The following NELL1 variants were observed in gnomAD, a reference collection of about 807,000 sequenced individuals.
NELL1 encodes protein kinase C-binding protein NELL1.
NELL1 carries 76 observed loss-of-function variants against 107.4 expected under a neutral mutation model. The observed-to-expected ratio is 0.71, with a 90% CI of 0.59 to 0.86. The LOEUF is 0.86. Among genes scored for constraint, NELL1 ranks in the 40% least tolerant of loss-of-function variants. The pLI, the probability that NELL1 is intolerant of heterozygous loss-of-function variation, is 0.00. For missense variants in NELL1, 1,024 were observed against 1,005.5 expected, an observed-to-expected ratio of 1.02 and a Z score of -0.25; for synonymous variants, 353 against 341.2, an observed-to-expected ratio of 1.03 and a Z score of -0.38.
chr11:21,497,369 C>T (rs1347011323), intron 15 of NELL1, among the ~76,000 whole-genome samples: 1 of 152,106 alleles, frequency 6.6e-6, no homozygotes, highest in African/African-American at 2.4e-5. Context: ...ATCTTTTCCT[C>T]TGGTCATATC....
chr11:21,092,228 T>C (rs1342817657), intron 12 of NELL1, among the ~76,000 whole-genome samples: 1 of 152,136 alleles, frequency 6.6e-6, no homozygotes, highest in Non-Finnish European at 1.5e-5. Context: ...ACTGAAAATA[T>C]TCATGGTTAG....
chr11:20,768,076 ATAT>A (rs977503551), intron 2 of NELL1, among the ~76,000 whole-genome samples: 1 of 152,204 alleles, frequency 6.6e-6, no homozygotes, highest in African/African-American at 2.4e-5. Flanking sequence ...TGCAAAGATA[ATAT>A]TATTATTAAT....
intron 14 of NELL1, among the ~76,000 whole-genome samples, chr11:21,257,904 GA>G (rs746977815): frequency 2.0e-4 from 31 of 152,054 alleles, no homozygotes; most frequent in African/African-American, 6.5e-4. Context: ...CAACCAGCAA[GA>G]TACATCCCTT....
rs562646953 is a variant in NELL1, at chr11:21,561,875, A to G, written c.1980+1493A>G. Among the ~76,000 whole-genome samples, 11 of 152,220 alleles carry G rather than the reference A, an allele frequency of 7.2e-5. No homozygotes were observed. In the East Asian group the frequency reaches 1.2e-3, roughly 16 times the overall value. Reference sequence around the variant, plus strand: ...CTGACTCAAAGGGCAAAAATTTTTAAGAGAAGACAAATCTCATTGTGGGTT... The same window carrying G: ...CTGACTCAAAGGGCAAAAATTTTTAGGAGAAGACAAATCTCATTGTGGGTT... On this transcript the variant is annotated intron_variant, in intron 17 of 19. Coordinates refer to ENST00000357134, the MANE Select transcript of NELL1 (RefSeq NM_006157.5).
intron 13 of NELL1, among the ~76,000 whole-genome samples, chr11:21,214,106 A>ATCTGAAATT (rs1857562744): frequency 6.6e-6 from 1 of 152,152 alleles, no homozygotes; most frequent in Non-Finnish European, 1.5e-5. Flanking sequence ...AGTATCTTTT[A>ATCTGAAATT]TCTGAAATTT....
intron 3 of NELL1, among the ~76,000 whole-genome samples, chr11:20,843,676 ATAT>A (rs1347380380): frequency 1.0e-5 from 1 of 95,422 alleles, no homozygotes; most frequent in Non-Finnish European, 3.0e-5. Flanking sequence ...ATATATTTTA[ATAT>A]TATGTATGTA....
rs565598707 is a variant in NELL1 at position 21,166,715 on chromosome 11, C to T, written c.1426+53001C>T. 7.3e-5 allele frequency among the ~76,000 whole-genome samples: 11 copies of T among 151,592 alleles called. No homozygotes were observed. In the South Asian group the frequency reaches 1.3e-3, roughly 17 times the overall value. On this transcript the variant is annotated intron_variant, in intron 13 of 19. Transcript: ENST00000357134. ...CCATAATCCATGTAGAGGCTAAGGC[C>T]GAAACTTTTGATCAAATGAAAGAAA...
At chr11:21,334,204 T>C (rs1008485787) in intron 14 of NELL1, among the ~76,000 whole-genome samples, 38 of 151,988 alleles carry the variant, frequency 2.5e-4, no homozygotes, top group African/African-American at 9.2e-4. Context: ...ATAGGTATAA[T>C]GAATGCTACA....
At chr11:21,257,204 G>T (rs1331719131) in intron 14 of NELL1, among the ~76,000 whole-genome samples, 1 of 151,952 alleles carries the variant, frequency 6.6e-6, no homozygotes, top group Non-Finnish European at 1.5e-5. Flanking sequence ...TCATGTTCCA[G>T]TGTGGCCCTG....
At chr11:20,868,567 TTAA>T (rs1849137757) in intron 4 of NELL1, among the ~76,000 whole-genome samples, 1 of 152,114 alleles carries the variant, frequency 6.6e-6, no homozygotes, top group Non-Finnish European at 1.5e-5. Context: ...ATTTAAAAAA[TTAA>T]TGTTATATAT....
intron 4 of NELL1, among the ~76,000 whole-genome samples, chr11:20,869,038 C>A (rs535000468): frequency 6.6e-6 from 1 of 152,004 alleles, no homozygotes; most frequent in South Asian, 2.1e-4. Context: ...AAGGGTCCAG[C>A]GGTTGGAAGC....
intron 2 of NELL1, among the ~76,000 whole-genome samples, chr11:20,712,308 T>C (rs2133897365): frequency 6.6e-6 from 1 of 152,170 alleles, no homozygotes; most frequent in East Asian, 1.9e-4. Flanking sequence ...AAATTATAAT[T>C]TTTTTTATGG....
At chr11:20,760,833 G>C (rs1453571824) in intron 2 of NELL1, among the ~76,000 whole-genome samples, 1 of 152,138 alleles carries the variant, frequency 6.6e-6, no homozygotes, top group African/African-American at 2.4e-5. Flanking sequence ...CCATTTGACT[G>C]TGTCTGTTAA....
At chr11:21,232,353 A>C (rs1670656) in intron 14 of NELL1, among the ~76,000 whole-genome samples, 68,576 of 148,880 alleles carry the variant, frequency 0.46, 16,325 homozygotes, top group Middle Eastern at 0.6. Flanking sequence ...AAAATTGATT[A>C]GTATTACTTT....
chr11:20,701,811 A>G (rs913635203), intron 2 of NELL1, among the ~76,000 whole-genome samples: 1 of 152,094 alleles, frequency 6.6e-6, no homozygotes, highest in Non-Finnish European at 1.5e-5. Context: ...CAAAGATCAG[A>G]TGGTTGTAGA....
chr11:20,886,578 G>A (rs1240756528), intron 5 of NELL1, among the ~76,000 whole-genome samples: 2 of 152,154 alleles, frequency 1.3e-5, no homozygotes, highest in African/African-American at 2.4e-5. Context: ...AGAGCCTTAG[G>A]TTCCTTCTTT....
intron 8 of NELL1, 102 bp from the exon 9 acceptor site, chr11:20,928,275 G>C: frequency 9.4e-7 from 1 of 1,063,414 alleles, no homozygotes; most frequent in Non-Finnish European, 1.5e-6. Context: ...TACTGCTTCT[G>C]TTTCCCTGAT....
intron 14 of NELL1, among the ~76,000 whole-genome samples, chr11:21,241,617 G>A (rs1016255082): frequency 6.6e-6 from 1 of 152,086 alleles, no homozygotes; most frequent in Admixed American, 6.6e-5. Context: ...AGCATAATTT[G>A]GGGGTAGTGC....
At chr11:20,696,030 T>G (rs989412658) in intron 2 of NELL1, among the ~76,000 whole-genome samples, 1 of 152,168 alleles carries the variant, frequency 6.6e-6, no homozygotes, top group Admixed American at 6.6e-5. Context: ...TTCCAGGAAT[T>G]TATCCATTTC....
Sources: gnomAD v4.1 joint callset for allele counts (sites outside exome capture counted in the v4.1 genomes callset) on GRCh38, gnomAD v4.1.1 for gene constraint, MANE v1.5 for transcripts, NCBI Gene and HGNC (gene_info 2026-07-23, HGNC 2026-07-21) for gene names.